The following HDAC1 variants were observed in gnomAD, a reference collection of about 807,000 sequenced individuals.
The protein encoded by HDAC1 is protein deacetylase HDAC1.
HDAC1 carries 18 observed loss-of-function variants against 65.5 expected under a neutral mutation model. That is an observed-to-expected ratio of 0.27 (90% CI 0.19 to 0.41). HDAC1 has a LOEUF of 0.41. Ranked by LOEUF, HDAC1 falls within the 10% of genes least tolerant of loss-of-function variation. The pLI, the probability that HDAC1 is intolerant of heterozygous loss-of-function variation, is 1.00. For missense variants in HDAC1, 373 were observed against 625.2 expected (o/e 0.60, Z 4.30); for synonymous variants, 211 against 227.9 (o/e 0.93, Z 0.67).
chr1:32,311,317 A>T (rs1331383987), intron 2 of HDAC1, among the ~76,000 whole-genome samples: 1 of 152,014 alleles, frequency 6.6e-6, no homozygotes, highest in Non-Finnish European at 1.5e-5. Flanking sequence ...AAAATACAAA[A>T]ATTAGCCGGG....
rs1441024757 is a variant in HDAC1, at chr1:32,327,141, C to T, written c.494+64C>T. The T allele has an allele frequency of 5.5e-5, 86 of 1,562,792 alleles. No individual in the cohort carries two copies. The highest frequency in any genetic ancestry group is 7.2e-5 in the Non-Finnish European group (82 of 1,141,044). On this transcript the variant is annotated intron_variant, in intron 5 of 13. Coordinates refer to ENST00000373548, the MANE Select transcript of HDAC1 (RefSeq NM_004964.3). This position sits in a 1 kb window ranked among gnomAD's most constrained non-coding sequence, Gnocchi z 6.0. ...AGGCCAGGTTCCCATTTCCCTCTTC[C>T]CCTGGGCTTGCCTCCCTAGTTTGCT...
intron 2 of HDAC1, among the ~76,000 whole-genome samples, chr1:32,308,654 G>T (rs1640944972): frequency 6.6e-6 from 1 of 151,958 alleles, no homozygotes; most frequent in Non-Finnish European, 1.5e-5. Flanking sequence ...GAGTAGCTGG[G>T]ACTACAGGCA....
intron 2 of HDAC1, among the ~76,000 whole-genome samples, chr1:32,310,459 T>C (rs1640974582): frequency 6.6e-6 from 1 of 152,146 alleles, no homozygotes; most frequent in South Asian, 2.1e-4. Flanking sequence ...ACGCTTGTAA[T>C]CCCAGCTACT....
At chr1:32,315,610 C>G (rs984406271) in intron 2 of HDAC1, among the ~76,000 whole-genome samples, 6 of 151,150 alleles carry the variant, frequency 4.0e-5, no homozygotes, top group African/African-American at 1.5e-4. Flanking sequence ...GCCTCAGCCT[C>G]CCAAAGTGCT....
chr1:32,301,595 C>A (rs1570005377), intron 1 of HDAC1, among the ~76,000 whole-genome samples: 1 of 152,154 alleles, frequency 6.6e-6, no homozygotes, highest in South Asian at 2.1e-4. Flanking sequence ...CAAGGTGAAA[C>A]CCCTTCTCTA....
At position 32,327,899 on chromosome 1, in the gene HDAC1, A is replaced by T; in HGVS notation, c.636+222A>T. The T allele has an allele frequency of 1.7e-6, 1 of 593,842 alleles. No individual in the cohort carries two copies. Among genetic ancestry groups the T allele is most frequent in the South Asian group, 1.9e-5 (1 of 52,100 alleles). 36.8% of individuals were successfully genotyped at this position (593,842 alleles called of 1,614,324 possible). On this transcript the variant is annotated intron_variant, in intron 6 of 13. Coordinates refer to ENST00000373548, the MANE Select transcript of HDAC1 (RefSeq NM_004964.3). The surrounding 1 kb of genome is among the most constrained non-coding windows in gnomAD (Gnocchi z 6.0). ...AGAAAGAAGAGGGGTCTCCTGACTCACTGTACTTTCCTCCTGGCCACAGCT... is the reference window on the plus strand; with the variant it reads ...AGAAAGAAGAGGGGTCTCCTGACTCTCTGTACTTTCCTCCTGGCCACAGCT...
intron 3 of HDAC1, among the ~76,000 whole-genome samples, chr1:32,322,246 C>CT (rs1403944355): frequency 1.3e-5 from 2 of 151,958 alleles, no homozygotes; most frequent in African/African-American, 4.8e-5. Flanking sequence ...CTCTGACTTC[C>CT]TGTAGCTCAT....
Position 32,333,117 on chromosome 1 carries a change from T to C in HDAC1, c.*73T>C. On this transcript the variant is annotated 3_prime_UTR_variant, in exon 14 of 14. Coordinates refer to ENST00000373548, the MANE Select transcript of HDAC1 (RefSeq NM_004964.3). ...CCCCAACCCCTCAGATTTTATATTT[T>C]CTATTTCTCTGTGTATTTATATAAA... is the stretch of plus-strand genomic sequence containing the variant. The C allele has an allele frequency of 1.7e-6, 2 of 1,170,652 alleles. No individual in the cohort carries two copies. Among genetic ancestry groups the C allele is most frequent in the Non-Finnish European group, 2.5e-6 (2 of 807,566 alleles). The allele number at this position is 1,170,652 out of a possible 1,614,324, so 72.5% of individuals were successfully genotyped here.
intron 1 of HDAC1, among the ~76,000 whole-genome samples, chr1:32,297,963 G>T (rs1640791828): frequency 6.6e-6 from 1 of 151,138 alleles, no homozygotes; most frequent in Non-Finnish European, 1.5e-5. Flanking sequence ...CCAATTTTTT[G>T]TATTTTTAGT....
intron 1 of HDAC1, among the ~76,000 whole-genome samples, chr1:32,298,622 C>T (rs145585806): frequency 1.9e-4 from 29 of 152,322 alleles, no homozygotes; most frequent in African/African-American, 6.5e-4. Context: ...AGGCAAGTCA[C>T]CTTACATTTC....
intron 1 of HDAC1, among the ~76,000 whole-genome samples, chr1:32,299,799 G>GT (rs1232823497): frequency 6.6e-6 from 1 of 152,222 alleles, no homozygotes; most frequent in Non-Finnish European, 1.5e-5. Context: ...GCTCACACCT[G>GT]TAATCCCAGC....
At chr1:32,326,222 G>C (rs556527124) in intron 4 of HDAC1, among the ~76,000 whole-genome samples, 1 of 150,786 alleles carries the variant, frequency 6.6e-6, no homozygotes, top group Non-Finnish European at 1.5e-5. Context: ...GTGCAGTGGC[G>C]TGATCTTGGC....
Position 32,330,149 on chromosome 1 carries a change from G to A in HDAC1, c.730-429G>A, listed in dbSNP as rs376051365. The A allele has an allele frequency of 3.3e-5, 6 of 181,284 alleles. No individual in the cohort carries two copies. In the South Asian group the frequency reaches 3.4e-4, roughly 10 times the overall value. The allele number at this position is 181,284 out of a possible 1,614,324, so 11.2% of individuals were successfully genotyped here. A position where few individuals can be genotyped will look rare whatever the true frequency, so the allele number is the denominator to read the frequency against. On this transcript the variant is annotated intron_variant, in intron 7 of 13. Transcript: ENST00000373548. This position sits in a 1 kb window ranked among gnomAD's most constrained non-coding sequence, Gnocchi z 4.2. ...CTACAGAAGTGGGAGTTGTGGTCTC[G>A]GTCTCAGTAACGTTAGACTCTGCTT...
intron 2 of HDAC1, among the ~76,000 whole-genome samples, chr1:32,312,427 C>T (rs1641002923): frequency 6.6e-6 from 1 of 152,000 alleles, no homozygotes; most frequent in Non-Finnish European, 1.5e-5. Flanking sequence ...GTGGCATGAC[C>T]TAAGCTCACT....
chr1:32,322,792 G>C (rs756718366), intron 3 of HDAC1, among the ~76,000 whole-genome samples: 2 of 152,098 alleles, frequency 1.3e-5, no homozygotes, highest in Non-Finnish European at 2.9e-5. Context: ...ACTGGGCTAC[G>C]GGAGTCAAGA....
chr1:32,299,153 A>G (rs1025741258), intron 1 of HDAC1, among the ~76,000 whole-genome samples: 2 of 152,148 alleles, frequency 1.3e-5, no homozygotes, highest in Non-Finnish European at 2.9e-5. Context: ...AGTTATATAG[A>G]AGAGGATCCA....
intron 13 of HDAC1, 92 bp downstream of exon 13, chr1:32,332,841 G>A: frequency 7.8e-7 from 1 of 1,288,782 alleles, no homozygotes; most frequent in Non-Finnish European, 1.1e-6. Flanking sequence ...GGGACAGCTG[G>A]TCCAGCTTAC....
intron 2 of HDAC1, among the ~76,000 whole-genome samples, chr1:32,304,727 G>A (rs769934882): frequency 6.6e-6 from 1 of 152,032 alleles, no homozygotes; most frequent in Admixed American, 6.6e-5. Flanking sequence ...AAGCCACCAC[G>A]CCTGGCTAAT....
At chr1:32,306,012 GCT>G (rs1318200224) in intron 2 of HDAC1, among the ~76,000 whole-genome samples, 3 of 152,144 alleles carry the variant, frequency 2.0e-5, no homozygotes, top group South Asian at 2.1e-4. Flanking sequence ...CTGGTTTTGG[GCT>G]CTCTGTTCGG....
Sources: allele counts gnomAD v4.1 joint callset (sites outside exome capture counted in the v4.1 genomes callset), GRCh38; gene constraint gnomAD v4.1.1; non-coding constraint Gnocchi (gnomAD v3.1); transcripts MANE v1.5; gene names NCBI Gene and HGNC (gene_info 2026-07-23, HGNC 2026-07-21).